The following SHISAL2B variants were observed in gnomAD, a reference collection of about 807,000 sequenced individuals.
SHISAL2B encodes the protein shisa like 2B.
SHISAL2B carries 12 observed loss-of-function variants against 16.5 expected under a neutral mutation model. That is an observed-to-expected ratio of 0.73 (90% CI 0.47 to 1.18). The LOEUF is 1.18. Among genes scored for constraint, SHISAL2B ranks in the 50% most tolerant of loss-of-function variants. The pLI, the probability that SHISAL2B is intolerant of heterozygous loss-of-function variation, is 0.00. For synonymous variants in SHISAL2B, 72 were observed against 75.0 expected (o/e 0.96, Z 0.21); for missense variants, 183 against 193.6 (o/e 0.95, Z 0.33).
At chr5:64,713,093 T>C (rs888946384) in intron 2 of SHISAL2B, among the ~76,000 whole-genome samples, 3 of 147,062 alleles carry the variant, frequency 2.0e-5, no homozygotes, top group African/African-American at 7.6e-5. Flanking sequence ...TGATGTTAGC[T>C]GGTGATTTTG....
intron 2 of SHISAL2B, among the ~76,000 whole-genome samples, chr5:64,714,455 G>C (rs2112074198): frequency 6.7e-6 from 1 of 150,174 alleles, no homozygotes; most frequent in South Asian, 2.1e-4. Context: ...CTGTCAGACA[G>C]GGACATTTAA....
intron 2 of SHISAL2B, among the ~76,000 whole-genome samples, chr5:64,706,101 A>G (rs140906935): frequency 1.3e-5 from 2 of 152,344 alleles, no homozygotes; most frequent in African/African-American, 2.4e-5. Flanking sequence ...TAGAGGTTAC[A>G]GTGAGCCGAG....
chr5:64,694,074 C>G (rs1393350086), intron 1 of SHISAL2B: 1 of 455,568 alleles, frequency 2.2e-6, no homozygotes, highest in Non-Finnish European at 4.4e-6. Context: ...CCCTTCCCTC[C>G]CTTTTGGTAC....
chr5:64,695,720 C>T, intron 2 of SHISAL2B, 56 bp downstream of exon 2: 2 of 1,283,574 alleles, frequency 1.6e-6, no homozygotes, highest in Admixed American at 2.9e-5. Context: ...AAAAGAATAA[C>T]TTGTACCTGG....
At chr5:64,690,907 G>A in intron 1 of SHISAL2B, 93 bp downstream of exon 1, 1 of 1,136,238 alleles carries the variant, frequency 8.8e-7, no homozygotes, top group Non-Finnish European at 1.2e-6. Context: ...AGGTTCCCCC[G>A]CGTCCCCGCT....
chr5:64,694,746 A>G (rs1051976655), intron 1 of SHISAL2B, among the ~76,000 whole-genome samples: 3 of 152,176 alleles, frequency 2.0e-5, no homozygotes, highest in Non-Finnish European at 4.4e-5. Flanking sequence ...CTTTTTTATA[A>G]TAGTTTTGGC....
intron 2 of SHISAL2B, among the ~76,000 whole-genome samples, chr5:64,709,945 CA>C (rs1226080811): frequency 6.6e-6 from 1 of 150,392 alleles, no homozygotes; most frequent in Non-Finnish European, 1.5e-5. Context: ...AGCCCTTTGT[CA>C]GATGAGTAGG....
chr5:64,715,587 G>A (rs986046076), intron 2 of SHISAL2B, among the ~76,000 whole-genome samples: 17 of 152,178 alleles, frequency 1.1e-4, no homozygotes, highest in African/African-American at 4.1e-4. Context: ...GTAATGGGGT[G>A]AACTGAGCCA....
In SHISAL2B at chr5:64,690,512, A is replaced by G; in HGVS notation, c.-112A>G. On this transcript the variant is annotated 5_prime_UTR_variant, in exon 1 of 3. Transcript: ENST00000389074. ...GAGCGCCCAGGCAGCCAGAGCCCAG[A>G]TCGGAAGAGCCGAGTCCGGGCAGAG... 1.2e-6 allele frequency: 1 copy of G among 836,234 alleles called. No individual in the cohort carries two copies. Among genetic ancestry groups the G allele is most frequent in the Non-Finnish European group, 1.7e-6 (1 of 598,224 alleles). 51.8% of individuals were successfully genotyped at this position (836,234 alleles called of 1,614,324 possible).
chr5:64,714,413 G>A (rs275816), intron 2 of SHISAL2B, among the ~76,000 whole-genome samples: 25,262 of 148,330 alleles, frequency 0.17, 2,589 homozygotes, highest in Non-Finnish European at 0.23. Flanking sequence ...ATCTCCAGCT[G>A]CGTGCTGGGA....
At position 64,690,683 on chromosome 5, in the gene SHISAL2B, G is replaced by C. The variant is rs1465423162; in HGVS notation, c.60G>C (p.Glu20Asp). The C allele has an allele frequency of 3.3e-6, 5 of 1,534,564 alleles. No homozygotes were observed. In the Admixed American group the frequency reaches 9.8e-5, roughly 30 times the overall value. The change falls in exon 1 of 3, where the codon GAG becomes GAC. Residue 20 changes from glutamate to aspartate, a missense_variant. Glu to Asp is a conservative substitution (Grantham distance 45). Transcript: ENST00000389074. The stretch of plus-strand genomic sequence containing the variant: ...ACAGCCTCAACCAGAGCTTCGTGGA[G>C]CCCTTCCAGTGCCCCCGGCGCGGCG... ...GYYSLNQSFV[E>D]PFQCPRRGEG...
chr5:64,709,089 G>A (rs142737166), intron 2 of SHISAL2B, among the ~76,000 whole-genome samples: 17,415 of 147,254 alleles, frequency 0.12, 3,308 homozygotes, highest in African/African-American at 0.41. Context: ...CACATTGTGC[G>A]GGTTAGTTAC....
intron 2 of SHISAL2B, among the ~76,000 whole-genome samples, chr5:64,708,564 C>T (rs1283931250): frequency 6.6e-6 from 1 of 152,144 alleles, no homozygotes; most frequent in Non-Finnish European, 1.5e-5. Context: ...ACAATCCATA[C>T]AATGCCTGAT....
At chr5:64,704,105 G>A (rs1187756614) in intron 2 of SHISAL2B, among the ~76,000 whole-genome samples, 7 of 152,196 alleles carry the variant, frequency 4.6e-5, no homozygotes, top group African/African-American at 9.6e-5. Context: ...AGGTTAGTAC[G>A]TGGAAGCTGC....
chr5:64,717,668 T>A (rs1742076554), intron 2 of SHISAL2B, among the ~76,000 whole-genome samples: 1 of 152,190 alleles, frequency 6.6e-6, no homozygotes, highest in African/African-American at 2.4e-5. Context: ...AAGGTAAGCA[T>A]GGAAATAAAT....
At chr5:64,691,208 G>A (rs1741645108) in intron 1 of SHISAL2B, 1 of 199,994 alleles carries the variant, frequency 5.0e-6, no homozygotes, top group African/African-American at 2.3e-5. Flanking sequence ...ATAACCCAAG[G>A]GGAAGGTTTA....
At chr5:64,713,104 C>T (rs1042940552) in intron 2 of SHISAL2B, among the ~76,000 whole-genome samples, 1 of 142,944 alleles carries the variant, frequency 7.0e-6, no homozygotes, top group African/African-American at 2.6e-5. Flanking sequence ...GGTGATTTTG[C>T]TCGTTAGTTG....
At position 64,709,188 on chromosome 5, in the gene SHISAL2B, T is replaced by TC. The variant is rs1322544833; in HGVS notation, c.350-8695dup. Among the ~76,000 whole-genome samples the TC allele has an allele frequency of 9.5e-3, 724 of 76,266 alleles. 13 individuals are homozygous for TC. Among genetic ancestry groups the TC allele is most frequent in the African/African-American group, 0.036 (676 of 18,960 alleles). The allele number at this position is 76,266 out of a possible 152,430, so 50.0% of individuals were successfully genotyped here. A position where few individuals can be genotyped will look rare whatever the true frequency, so the allele number is the denominator to read the frequency against. On this transcript the variant is annotated intron_variant, in intron 2 of 2. Transcript: ENST00000389074. ...ATCTCCCAATGCTATCCCTCCCCCC[T>TC]CCCCCCACCCCACCACAGTCACCAG... is the stretch of plus-strand genomic sequence containing the variant.
rs1488246212 is a variant in SHISAL2B at position 64,717,997 on chromosome 5, C to A, written c.458C>A (p.Ala153Glu). Residue 153 changes from alanine (A) to glutamate (E), a missense_variant, in exon 3 of 3, where the codon GCA becomes GAA. Physicochemically the swap from Ala to Glu is moderately radical, Grantham distance 107 (BLOSUM62 -1). Transcript: ENST00000389074. The stretch of plus-strand genomic sequence containing the variant: ...ATAATTCAAGAAAAAACAATGGATG[C>A]AACACAAATCCACATTGCTTATTAA... The part of the protein sequence containing the change: ...DDIIQEKTMD[A>E]TQIHIAY 3 of 1,515,870 alleles carry A rather than the reference C, an allele frequency of 2.0e-6. No individual in the cohort carries two copies. 93.9% of individuals were successfully genotyped at this position (1,515,870 alleles called of 1,614,324 possible). A position where few individuals can be genotyped will look rare whatever the true frequency, so the allele number is the denominator to read the frequency against.
Sources: allele counts gnomAD v4.1 joint callset (sites outside exome capture counted in the v4.1 genomes callset), GRCh38; gene constraint gnomAD v4.1.1; transcripts MANE v1.5; gene names NCBI Gene and HGNC (gene_info 2026-07-23, HGNC 2026-07-21).